Variants in NELL1 observed in about 807,000 individuals in gnomAD.
NELL1 encodes neural EGFL like 1.
In NELL1, 76 loss-of-function variants were observed where a neutral mutation model predicts 107.4. That is an observed-to-expected ratio of 0.71 (90% CI 0.59 to 0.86). The LOEUF (loss-of-function observed/expected upper bound fraction) is 0.86. Among genes scored for constraint, NELL1 ranks in the 40% least tolerant of loss-of-function variants. The pLI is 0.00. For synonymous variants in NELL1, 353 were observed against 341.2 expected (o/e 1.03, Z -0.38); for missense variants, 1,024 against 1,005.5 (o/e 1.02, Z -0.25).
chr11:21,375,865 T>C (rs1311805082), intron 15 of NELL1, among the ~76,000 whole-genome samples: 4 of 131,922 alleles, frequency 3.0e-5, no homozygotes, highest in Non-Finnish European at 6.7e-5. Context: ...TTTTGAGAAG[T>C]GTTTGTTCAT....
chr11:20,953,500 A>G (rs1851109156), intron 11 of NELL1, among the ~76,000 whole-genome samples: 1 of 152,168 alleles, frequency 6.6e-6, no homozygotes. Flanking sequence ...GGGGGGCCTC[A>G]GTGTAATAGG....
chr11:20,888,082 A>T (rs1849546447), intron 5 of NELL1, among the ~76,000 whole-genome samples: 2 of 152,216 alleles, frequency 1.3e-5, no homozygotes, highest in Non-Finnish European at 2.9e-5. Context: ...ACTAAAAAGC[A>T]CTTCCAAAAA....
intron 18 of NELL1, 94 bp downstream of exon 18, chr11:21,571,034 A>T: frequency 8.5e-7 from 1 of 1,179,258 alleles, no homozygotes; most frequent in Non-Finnish European, 1.2e-6. Flanking sequence ...GTTTTTCATA[A>T]TACTATACAG....
intron 2 of NELL1, among the ~76,000 whole-genome samples, chr11:20,729,305 T>C (rs1383311733): frequency 6.6e-6 from 1 of 152,184 alleles, no homozygotes; most frequent in Non-Finnish European, 1.5e-5. Context: ...TATTTTTTTC[T>C]CTTGTCTGAT....
At chr11:21,490,805 T>A (rs1384815118) in intron 15 of NELL1, among the ~76,000 whole-genome samples, 1 of 151,976 alleles carries the variant, frequency 6.6e-6, no homozygotes, top group African/African-American at 2.4e-5. Context: ...AAACTCAAGA[T>A]CAATTAAGGA....
intron 16 of NELL1, among the ~76,000 whole-genome samples, chr11:21,556,524 C>T (rs1309887538): frequency 6.6e-6 from 1 of 151,858 alleles, no homozygotes; most frequent in East Asian, 2.0e-4. Flanking sequence ...TTGTTTGCAG[C>T]TAGTTTAGGA....
At chr11:21,429,348 T>G (rs762641866) in intron 15 of NELL1, among the ~76,000 whole-genome samples, 2 of 152,224 alleles carry the variant, frequency 1.3e-5, no homozygotes, top group African/African-American at 2.4e-5. Flanking sequence ...TCAAATGTTT[T>G]AACTGATTTT....
chr11:21,304,406 C>G (rs1424530552), intron 14 of NELL1, among the ~76,000 whole-genome samples: 1 of 151,982 alleles, frequency 6.6e-6, no homozygotes, highest in Non-Finnish European at 1.5e-5. Flanking sequence ...CCCTTTGACT[C>G]CGAAGTCTAT....
At chr11:21,509,665 C>T (rs1855384775) in intron 15 of NELL1, among the ~76,000 whole-genome samples, 1 of 152,018 alleles carries the variant, frequency 6.6e-6, no homozygotes, top group African/African-American at 2.4e-5. Context: ...TAAAGAAATA[C>T]ACAGGAATGA....
intron 14 of NELL1, among the ~76,000 whole-genome samples, chr11:21,250,017 T>A (rs746346287): frequency 2.0e-5 from 3 of 152,202 alleles, no homozygotes; most frequent in Non-Finnish European, 2.9e-5. Context: ...TATGGTTGAT[T>A]TATATTGGGT....
At chr11:20,707,039 A>G (rs929629084) in intron 2 of NELL1, among the ~76,000 whole-genome samples, 1 of 152,150 alleles carries the variant, frequency 6.6e-6, no homozygotes, top group Non-Finnish European at 1.5e-5. Flanking sequence ...ACATAGTCCC[A>G]TATTTCTTGG....
intron 12 of NELL1, among the ~76,000 whole-genome samples, chr11:21,078,117 G>T (rs1481076027): frequency 6.6e-6 from 1 of 151,854 alleles, no homozygotes; most frequent in African/African-American, 2.4e-5. Flanking sequence ...GAGGATAAAA[G>T]AATGAAAAGT....
intron 12 of NELL1, among the ~76,000 whole-genome samples, chr11:20,986,498 A>G (rs954966536): frequency 6.6e-6 from 1 of 152,202 alleles, no homozygotes; most frequent in Non-Finnish European, 1.5e-5. Flanking sequence ...CCAGAGGATC[A>G]GTTTTACCAG....
At chr11:20,944,693 G>T (rs957290573) in intron 10 of NELL1, among the ~76,000 whole-genome samples, 34 of 152,108 alleles carry the variant, frequency 2.2e-4, no homozygotes, top group African/African-American at 6.8e-4. Context: ...GCTATAAAAG[G>T]TTTGTGCCTA....
chr11:21,017,804 A>G (rs1852604148), intron 12 of NELL1, among the ~76,000 whole-genome samples: 1 of 152,096 alleles, frequency 6.6e-6, no homozygotes, highest in African/African-American at 2.4e-5. Context: ...CTGTCTTCTT[A>G]TCACGAGGAG....
At chr11:20,696,407 C>T (rs1305730782) in intron 2 of NELL1, among the ~76,000 whole-genome samples, 1 of 151,944 alleles carries the variant, frequency 6.6e-6, no homozygotes, top group Non-Finnish European at 1.5e-5. Flanking sequence ...GATGTTAGAT[C>T]ATTGATGTGA....
intron 3 of NELL1, among the ~76,000 whole-genome samples, chr11:20,825,872 C>T (rs1438048677): frequency 6.6e-6 from 1 of 151,166 alleles, no homozygotes; most frequent in Non-Finnish European, 1.5e-5. Context: ...TGGTCCGGCT[C>T]TATGTCCCCA....
chr11:21,063,400 A>T (rs571308616), intron 12 of NELL1, among the ~76,000 whole-genome samples: 2 of 152,250 alleles, frequency 1.3e-5, no homozygotes, highest in African/African-American at 4.8e-5. Flanking sequence ...AGTTGAACTC[A>T]ATCTCTAGTC....
chr11:21,548,452 G>A (rs1856495367), intron 16 of NELL1, among the ~76,000 whole-genome samples: 1 of 151,842 alleles, frequency 6.6e-6, no homozygotes, highest in Non-Finnish European at 1.5e-5. Context: ...AAATCACGGT[G>A]GAAGGCAGAA....
Sources: allele counts gnomAD v4.1 joint callset (sites outside exome capture counted in the v4.1 genomes callset), GRCh38; gene constraint gnomAD v4.1.1; transcripts MANE v1.5; gene names NCBI Gene and HGNC (gene_info 2026-07-23, HGNC 2026-07-21).